Variants in SRRM4 observed in about 807,000 individuals in gnomAD.
The protein encoded by SRRM4 is serine/arginine repetitive matrix 4.
A neutral mutation model predicts 68.9 loss-of-function variants in SRRM4; 33 were observed. The ratio of observed to expected loss-of-function variants is 0.48; its 90% confidence interval spans 0.36 to 0.64. The LOEUF (loss-of-function observed/expected upper bound fraction) is 0.64. Ranked by LOEUF, SRRM4 falls within the 30% of genes least tolerant of loss-of-function variation. The pLI is 0.00. For synonymous variants in SRRM4, 318 were observed against 318.8 expected, an observed-to-expected ratio of 1.00 and a Z score of 0.03; for missense variants, 817 against 827.1, an observed-to-expected ratio of 0.99 and a Z score of 0.15.
intron 1 of SRRM4, among the ~76,000 whole-genome samples, chr12:119,087,802 C>G (rs1375574862): frequency 2.0e-5 from 3 of 152,160 alleles, no homozygotes; most frequent in Non-Finnish European, 4.4e-5. Context: ...GGGGCCCATG[C>G]TCAGTCTGGA....
chr12:119,099,820 G>A (rs1314920596), intron 1 of SRRM4, among the ~76,000 whole-genome samples: 1 of 152,176 alleles, frequency 6.6e-6, no homozygotes, highest in African/African-American at 2.4e-5. Context: ...ATGGCTGCTT[G>A]AGTGTCCTCA....
intron 1 of SRRM4, among the ~76,000 whole-genome samples, chr12:119,022,706 G>T (rs1254386078): frequency 6.6e-6 from 1 of 152,178 alleles, no homozygotes; most frequent in Non-Finnish European, 1.5e-5. Context: ...ACTGAGCATG[G>T]TCACATATGT....
rs1252470748 is a variant in SRRM4, at chr12:119,018,716, A to G, written c.131+36703A>G. ...ATTTAATTGAGAATGCTGGGTGGCC[A>G]CTCGTATTTAGAAAGAATCCAATGC... On this transcript the variant is annotated intron_variant, in intron 1 of 12. Transcript: ENST00000267260. 3.3e-5 allele frequency among the ~76,000 whole-genome samples: 5 copies of G among 152,176 alleles called. No homozygotes were observed. In the South Asian group the frequency reaches 1.0e-3, roughly 32 times the overall value.
At chr12:119,012,555 T>C (rs1055518545) in intron 1 of SRRM4, among the ~76,000 whole-genome samples, 51 of 152,204 alleles carry the variant, frequency 3.4e-4, no homozygotes, top group Admixed American at 1.9e-3. Flanking sequence ...TTCTCATTCT[T>C]CTACCTGTCT....
chr12:118,994,507 A>G (rs1953337215), intron 1 of SRRM4, among the ~76,000 whole-genome samples: 1 of 152,188 alleles, frequency 6.6e-6, no homozygotes. Flanking sequence ...CTCACTGGAA[A>G]ATAGCGTGCT....
At chr12:119,075,479 A>C (rs1273974105) in intron 1 of SRRM4, among the ~76,000 whole-genome samples, 1 of 148,234 alleles carries the variant, frequency 6.7e-6, no homozygotes, top group Non-Finnish European at 1.5e-5. Context: ...GATGGTGCTG[A>C]TGGTGATGAT....
chr12:119,093,373 G>T (rs1240600901), intron 1 of SRRM4, among the ~76,000 whole-genome samples: 1 of 152,172 alleles, frequency 6.6e-6, no homozygotes, highest in African/African-American at 2.4e-5. Context: ...CACTCTCCTA[G>T]ATCTTGTACC....
chr12:119,137,569 T>C (rs930610725), intron 8 of SRRM4, among the ~76,000 whole-genome samples: 3 of 133,620 alleles, frequency 2.2e-5, no homozygotes, highest in African/African-American at 9.2e-5. Flanking sequence ...AACAAGGAGA[T>C]GAGGCGAGGT....
In SRRM4 at chr12:119,009,175, G is replaced by A. The variant is rs115626601; in HGVS notation, c.131+27162G>A. 6.1e-3 allele frequency among the ~76,000 whole-genome samples: 929 copies of A among 152,254 alleles called. 13 individuals carry two copies. The highest frequency in any genetic ancestry group is 0.02 in the African/African-American group (849 of 41,544). ...GCTGCAGCTGAACAGCTGCTGGGAGGGCTCCGGAGCGAGATGCTAACAGGA... is the reference window on the plus strand; with the variant it reads ...GCTGCAGCTGAACAGCTGCTGGGAGAGCTCCGGAGCGAGATGCTAACAGGA... On this transcript the variant is annotated intron_variant, in intron 1 of 12. Coordinates refer to ENST00000267260, the MANE Select transcript of SRRM4 (RefSeq NM_194286.4).
intron 1 of SRRM4, among the ~76,000 whole-genome samples, chr12:119,084,845 G>A (rs1953970087): frequency 6.6e-6 from 1 of 152,166 alleles, no homozygotes; most frequent in Non-Finnish European, 1.5e-5. Flanking sequence ...AAAATGGGCA[G>A]GAGATGATCA....
At chr12:119,084,184 C>T (rs1953966357) in intron 1 of SRRM4, among the ~76,000 whole-genome samples, 13 of 152,166 alleles carry the variant, frequency 8.5e-5, no homozygotes, top group Admixed American at 8.5e-4. Flanking sequence ...AGATCACAGT[C>T]TGACTGCTGT....
At chr12:119,099,397 G>A (rs12810762) in intron 1 of SRRM4, among the ~76,000 whole-genome samples, 32,085 of 152,070 alleles carry the variant, frequency 0.21, 4,043 homozygotes, top group South Asian at 0.28. Context: ...GCCTCCCGAA[G>A]TGCTGGGATT....
At chr12:119,079,903 G>T (rs1398546247) in intron 1 of SRRM4, among the ~76,000 whole-genome samples, 7 of 140,266 alleles carry the variant, frequency 5.0e-5, no homozygotes, top group African/African-American at 1.6e-4. Flanking sequence ...TTTTTTTTCA[G>T]CCAGTGATTG....
chr12:119,141,946 T>C (rs898907372), intron 8 of SRRM4, among the ~76,000 whole-genome samples: 4 of 152,040 alleles, frequency 2.6e-5, no homozygotes, highest in Admixed American at 1.3e-4. Context: ...CTAGAAGAGG[T>C]GATAGGACAC....
chr12:118,987,311 G>C (rs530186205), intron 1 of SRRM4, among the ~76,000 whole-genome samples: 1 of 152,196 alleles, frequency 6.6e-6, no homozygotes, highest in African/African-American at 2.4e-5. Context: ...ACTATGCCAG[G>C]GGCTACCCAA....
chr12:119,042,365 G>C (rs918437540), intron 1 of SRRM4, among the ~76,000 whole-genome samples: 1 of 152,040 alleles, frequency 6.6e-6, no homozygotes, highest in Non-Finnish European at 1.5e-5. Flanking sequence ...GGAACGGAGA[G>C]GCAGCGACAG....
At chr12:119,070,116 T>C in intron 1 of SRRM4, among the ~76,000 whole-genome samples, 1 of 152,086 alleles carries the variant, frequency 6.6e-6, no homozygotes, top group East Asian at 1.9e-4. Context: ...TACCTGATTT[T>C]GAAATGTTGG....
At chr12:119,060,647 A>T (rs1481125660) in intron 1 of SRRM4, among the ~76,000 whole-genome samples, 1 of 151,946 alleles carries the variant, frequency 6.6e-6, no homozygotes, top group Admixed American at 6.6e-5. Flanking sequence ...GCCCAAAAGA[A>T]CAAAAGAATG....
chr12:119,013,867 G>A (rs1216280752), intron 1 of SRRM4, among the ~76,000 whole-genome samples: 1 of 152,118 alleles, frequency 6.6e-6, no homozygotes, highest in Non-Finnish European at 1.5e-5. Flanking sequence ...AAACGGAATT[G>A]TTAGAAATTT....
Sources: allele counts gnomAD v4.1 joint callset (sites outside exome capture counted in the v4.1 genomes callset), GRCh38; gene constraint gnomAD v4.1.1; transcripts MANE v1.5; gene names NCBI Gene and HGNC (gene_info 2026-07-23, HGNC 2026-07-21).